The following KCNH5 variants were observed in gnomAD, a reference collection of about 807,000 sequenced individuals.
KCNH5 encodes voltage-gated delayed rectifier potassium channel KCNH5.
In KCNH5, 46 loss-of-function variants were observed where a neutral mutation model predicts 96.1. That is an observed-to-expected ratio of 0.48 (90% confidence interval 0.38 to 0.61). The LOEUF (loss-of-function observed/expected upper bound fraction) is 0.61. Among genes scored for constraint, KCNH5 ranks in the 20% least tolerant of loss-of-function variants. KCNH5 has a pLI of 0.00. For synonymous variants in KCNH5, 439 were observed against 449.8 expected (o/e 0.98, Z 0.30); for missense variants, 907 against 1,225.8 (o/e 0.74, Z 3.88).
At chr14:62,831,139 C>G (rs1207343558) in intron 8 of KCNH5, among the ~76,000 whole-genome samples, 1 of 152,116 alleles carries the variant, frequency 6.6e-6, no homozygotes, top group Non-Finnish European at 1.5e-5. Flanking sequence ...GCTAGTGAAC[C>G]CTGGTGGCTA....
Position 62,763,737 on chromosome 14 carries a change from C to T in KCNH5, c.2019+15991G>A, listed in dbSNP as rs559378061. 2.0e-5 allele frequency among the ~76,000 whole-genome samples: 3 copies of T among 152,258 alleles called. No individual in the cohort carries two copies. The East Asian group carries it at 5.8e-4, about 29-fold the overall frequency. On this transcript the variant is annotated intron_variant, in intron 10 of 10. Coordinates refer to ENST00000322893, the MANE Select transcript of KCNH5 (RefSeq NM_139318.5). ...ACCCCACAGTAATATAAAAAACCCTCATAGGCTATTACAAACACTTTCATG... is the reference window on the plus strand; with the variant it reads ...ACCCCACAGTAATATAAAAAACCCTTATAGGCTATTACAAACACTTTCATG...
intron 8 of KCNH5, among the ~76,000 whole-genome samples, chr14:62,828,786 A>T (rs1887280834): frequency 6.6e-6 from 1 of 152,096 alleles, no homozygotes; most frequent in African/African-American, 2.4e-5. Context: ...CACATTTCAA[A>T]ACACAATCAC....
At chr14:62,713,132 G>A (rs1033618233) in intron 10 of KCNH5, among the ~76,000 whole-genome samples, 2 of 152,172 alleles carry the variant, frequency 1.3e-5, no homozygotes, top group East Asian at 3.9e-4. Context: ...ATAAACAAAT[G>A]TTATGCATTA....
chr14:62,780,588 T>G (rs1173796123), intron 9 of KCNH5, among the ~76,000 whole-genome samples: 1 of 152,178 alleles, frequency 6.6e-6, no homozygotes, highest in Admixed American at 6.5e-5. Context: ...TAAAAAGTGC[T>G]ATACTATCAT....
chr14:62,738,261 A>G (rs1185463797), intron 10 of KCNH5, among the ~76,000 whole-genome samples: 1 of 152,170 alleles, frequency 6.6e-6, no homozygotes, highest in East Asian at 1.9e-4. Context: ...AGATTTCATC[A>G]CTTCTCAGAA....
At chr14:62,714,447 A>ACTT (rs1252310239) in intron 10 of KCNH5, among the ~76,000 whole-genome samples, 1 of 152,190 alleles carries the variant, frequency 6.6e-6, no homozygotes, top group African/African-American at 2.4e-5. Context: ...TGCACCCAAC[A>ACTT]CTTTGGCCAT....
At chr14:62,802,291 C>T (rs781046624) in intron 9 of KCNH5, 38 bp downstream of exon 9, 20 of 1,591,102 alleles carry the variant, frequency 1.3e-5, no homozygotes, top group South Asian at 2.2e-5. Flanking sequence ...AAAACTGTTA[C>T]TACGCATTTG....
chr14:62,933,802 G>A (rs1180181537), intron 7 of KCNH5, among the ~76,000 whole-genome samples: 1 of 152,060 alleles, frequency 6.6e-6, no homozygotes, highest in African/African-American at 2.4e-5. Context: ...AAAAACTACA[G>A]TCAGATAATC....
chr14:62,911,303 G>A (rs1889149068), intron 7 of KCNH5, among the ~76,000 whole-genome samples: 1 of 148,368 alleles, frequency 6.7e-6, no homozygotes, highest in African/African-American at 2.5e-5. Context: ...TTTTGAGACG[G>A]AGTCTTGCTC....
chr14:62,921,686 A>C (rs1329871574), intron 7 of KCNH5, among the ~76,000 whole-genome samples: 2 of 152,136 alleles, frequency 1.3e-5, no homozygotes, highest in African/African-American at 4.8e-5. Context: ...AAACACCCTG[A>C]AACAACTTCC....
At chr14:62,750,721 A>G (rs1885479714) in intron 10 of KCNH5, among the ~76,000 whole-genome samples, 1 of 152,240 alleles carries the variant, frequency 6.6e-6, no homozygotes, top group South Asian at 2.1e-4. Context: ...AGCATGAAGT[A>G]CCAGAAAGGC....
At chr14:62,924,806 A>G (rs531942203) in intron 7 of KCNH5, among the ~76,000 whole-genome samples, 1 of 152,110 alleles carries the variant, frequency 6.6e-6, no homozygotes, top group African/African-American at 2.4e-5. Context: ...CCAGGTACTT[A>G]GAAGTGGGGG....
At chr14:62,719,513 C>A (rs900005954) in intron 10 of KCNH5, among the ~76,000 whole-genome samples, 3 of 152,198 alleles carry the variant, frequency 2.0e-5, no homozygotes, top group Admixed American at 2.0e-4. Context: ...GGGCAGCCCC[C>A]AGAATCACAG....
At chr14:62,992,694 C>G (rs1254108507) in intron 4 of KCNH5, among the ~76,000 whole-genome samples, 1 of 151,710 alleles carries the variant, frequency 6.6e-6, no homozygotes, top group Non-Finnish European at 1.5e-5. Flanking sequence ...GAATTGGGTG[C>G]CTTATAAATT....
intron 5 of KCNH5, among the ~76,000 whole-genome samples, chr14:62,983,657 C>A (rs1890652674): frequency 1.3e-5 from 2 of 152,030 alleles, no homozygotes; most frequent in Non-Finnish European, 2.9e-5. Flanking sequence ...ATGGCATCAC[C>A]CTGAGTTCAG....
At chr14:62,889,483 T>A (rs1320785555) in intron 7 of KCNH5, among the ~76,000 whole-genome samples, 1 of 152,110 alleles carries the variant, frequency 6.6e-6, no homozygotes, top group Non-Finnish European at 1.5e-5. Flanking sequence ...AGTCAACAAC[T>A]AAGAGCAGAG....
chr14:62,728,586 A>G lies in KCNH5; in HGVS notation c.2020-20131T>C, dbSNP rs187956645. 3.7e-4 allele frequency among the ~76,000 whole-genome samples: 57 copies of G among 152,304 alleles called. 1 individual carries two copies. The East Asian group carries it at 9.3e-3, about 25-fold the overall frequency. The stretch of plus-strand genomic sequence containing the variant: ...TAGTTTATAATTACTAAGCCACGTG[A>G]AATGCTTTGGTAAGAGCATAAGCTC... On this transcript the variant is annotated intron_variant, in intron 10 of 10. Transcript: ENST00000322893.
chr14:62,880,084 TTGGATGGTGACTATA>T (rs1480240780), intron 7 of KCNH5, among the ~76,000 whole-genome samples: 1 of 152,202 alleles, frequency 6.6e-6, no homozygotes, highest in African/African-American at 2.4e-5. Flanking sequence ...CAGTGAAGTT[TTGGATGGTGACTATA>T]TGTGGGAGAC....
At chr14:62,750,560 T>C (rs1222779994) in intron 10 of KCNH5, among the ~76,000 whole-genome samples, 1 of 152,198 alleles carries the variant, frequency 6.6e-6, no homozygotes, top group Non-Finnish European at 1.5e-5. Context: ...TTAGCCACAT[T>C]AGAGTCTCCT....
Sources: allele counts gnomAD v4.1 joint callset (sites outside exome capture counted in the v4.1 genomes callset), GRCh38; gene constraint gnomAD v4.1.1; transcripts MANE v1.5; gene names NCBI Gene and HGNC (gene_info 2026-07-23, HGNC 2026-07-21).